The following MYO16 variants were observed in gnomAD, a reference collection of about 807,000 sequenced individuals.
MYO16 encodes the protein myosin XVI.
MYO16 carries 94 observed loss-of-function variants against 205.3 expected under a neutral mutation model. That is an observed-to-expected ratio of 0.46 (90% CI 0.39 to 0.54). The LOEUF (loss-of-function observed/expected upper bound fraction) is 0.54, where lower values mean the gene tolerates loss of function less well. Among genes scored for constraint, MYO16 ranks in the 20% least tolerant of loss-of-function variants. The pLI is 0.00. For missense variants in MYO16, 2,315 were observed against 2,387.5 expected, an observed-to-expected ratio of 0.97 and a Z score of 0.63; for synonymous variants, 988 against 954.0, an observed-to-expected ratio of 1.04 and a Z score of -0.66.
intron 31 of MYO16, among the ~76,000 whole-genome samples, chr13:109,129,758 G>A (rs1350446038): frequency 1.3e-5 from 2 of 152,124 alleles, no homozygotes; most frequent in Non-Finnish European, 2.9e-5. Flanking sequence ...ATTGCAGCAA[G>A]TACAGAATGG....
intron 2 of MYO16, among the ~76,000 whole-genome samples, chr13:108,698,025 G>A (rs967204805): frequency 1.3e-4 from 19 of 151,984 alleles, no homozygotes; most frequent in African/African-American, 4.1e-4. Flanking sequence ...GCCCGACCTC[G>A]CTCTCTTCTT....
chr13:108,892,101 A>T (rs1880204448), intron 14 of MYO16, among the ~76,000 whole-genome samples: 1 of 152,136 alleles, frequency 6.6e-6, no homozygotes, highest in Non-Finnish European at 1.5e-5. Flanking sequence ...CTTATGTCTG[A>T]TTCTGTAGAC....
In MYO16 at chr13:108,952,376, G is replaced by A. The variant is rs112439921; in HGVS notation, c.1926-5312G>A. Among the ~76,000 whole-genome samples, 1,191 of 152,180 alleles carry A rather than the reference G, an allele frequency of 7.8e-3. 15 individuals are homozygous for A. The highest frequency in any genetic ancestry group is 0.028 in the African/African-American group (1,147 of 41,522). ...GAGACACTGGGCTCAGGGGCAAGAC[G>A]GGGTGTGTTGGTTCGCCAATGACTA... On this transcript the variant is annotated intron_variant, in intron 16 of 34. Coordinates refer to ENST00000457511, the MANE Select transcript of MYO16 (RefSeq NM_001198950.3).
chr13:108,808,322 C>CT (rs1887178530), intron 7 of MYO16, among the ~76,000 whole-genome samples: 3 of 149,888 alleles, frequency 2.0e-5, no homozygotes, highest in Admixed American at 6.7e-5. Context: ...AATGAACCTT[C>CT]TTTTTTTAAT....
intron 27 of MYO16, among the ~76,000 whole-genome samples, chr13:109,083,554 G>T (rs570734323): frequency 6.6e-6 from 1 of 152,092 alleles, no homozygotes; most frequent in South Asian, 2.1e-4. Flanking sequence ...TGATAGTCAA[G>T]AACTTACGAA....
intron 4 of MYO16, among the ~76,000 whole-genome samples, chr13:108,756,018 T>G (rs762605499): frequency 1.1e-4 from 17 of 152,186 alleles, no homozygotes; most frequent in Non-Finnish European, 7.4e-5. Flanking sequence ...ACAAGGAAAA[T>G]TGTCTTATTT....
intron 23 of MYO16, among the ~76,000 whole-genome samples, chr13:109,022,552 C>A (rs1319794888): frequency 9.6e-5 from 12 of 125,204 alleles, no homozygotes; most frequent in South Asian, 5.5e-4. Context: ...GTATATATTT[C>A]TATATTCTAC....
At chr13:109,086,179 T>G (rs369988065) in intron 27 of MYO16, among the ~76,000 whole-genome samples, 1 of 152,180 alleles carries the variant, frequency 6.6e-6, no homozygotes, top group East Asian at 1.9e-4. Context: ...AGCTATAAAA[T>G]AACCTTCTCA....
At chr13:108,686,227 T>A (rs1367126115) in intron 2 of MYO16, among the ~76,000 whole-genome samples, 1 of 152,186 alleles carries the variant, frequency 6.6e-6, no homozygotes, top group Non-Finnish European at 1.5e-5. Flanking sequence ...TCGAGTGGGC[T>A]GGGAGCAGCT....
At chr13:109,202,552 T>C (rs1594183941) in intron 34 of MYO16, among the ~76,000 whole-genome samples, 1 of 152,288 alleles carries the variant, frequency 6.6e-6, no homozygotes, top group African/African-American at 2.4e-5. Context: ...AAAGAAATTA[T>C]AGATGATGCG....
intron 27 of MYO16, among the ~76,000 whole-genome samples, chr13:109,058,450 T>C (rs983449649): frequency 1.3e-5 from 2 of 152,204 alleles, no homozygotes; most frequent in African/African-American, 4.8e-5. Flanking sequence ...GCTAATACCA[T>C]AATAAAGCAA....
At chr13:108,567,774 T>C in the MYO16 span, among the ~76,000 whole-genome samples, 1 of 152,144 alleles carries the variant, frequency 6.6e-6, no homozygotes, top group Non-Finnish European at 1.5e-5. Context: ...TTCAGAGTTG[T>C]GCAACAATCA....
intron 14 of MYO16, among the ~76,000 whole-genome samples, chr13:108,891,795 CA>C (rs1222310233): frequency 6.6e-6 from 1 of 152,162 alleles, no homozygotes; most frequent in Non-Finnish European, 1.5e-5. Flanking sequence ...TTTCCTAAAT[CA>C]ATGCCATCTA....
At chr13:108,999,299 C>G (rs1044427150) in intron 21 of MYO16, among the ~76,000 whole-genome samples, 3 of 152,214 alleles carry the variant, frequency 2.0e-5, no homozygotes, top group South Asian at 4.1e-4. Context: ...ATATCTACCT[C>G]TATCTTAAAG....
At chr13:109,027,223 G>C (rs917208790) in intron 23 of MYO16, among the ~76,000 whole-genome samples, 1 of 152,068 alleles carries the variant, frequency 6.6e-6, no homozygotes. Context: ...ACCCCAATCT[G>C]TGCCTCCATC....
chr13:109,094,731 G>A (rs1421966023), intron 27 of MYO16, among the ~76,000 whole-genome samples: 1 of 152,006 alleles, frequency 6.6e-6, no homozygotes, highest in African/African-American at 2.4e-5. Context: ...TCCTACTTAT[G>A]AGTGAGAACA....
In MYO16 at chr13:108,882,430, G is replaced by A. The variant is rs184391327; in HGVS notation, c.1426-629G>A. ...TTGACATCTTTGAAGATACAGGCCA[G>A]TTATTTTGTACAATAAAAATAACTT... On this transcript the variant is annotated intron_variant, in intron 12 of 34. Coordinates refer to ENST00000457511, the MANE Select transcript of MYO16 (RefSeq NM_001198950.3). Among the ~76,000 whole-genome samples, 16 of 152,240 alleles carry A rather than the reference G, an allele frequency of 1.1e-4. No individual in the cohort carries two copies. In the East Asian group the frequency reaches 2.9e-3, roughly 28 times the overall value.
chr13:108,629,909 G>A (rs1235093192), intron 1 of MYO16, 37 bp downstream of exon 1: 1 of 1,504,936 alleles, frequency 6.6e-7, no homozygotes, highest in Admixed American at 2.0e-5. Flanking sequence ...GTGGTTATTT[G>A]TCTTGTTGAA....
chr13:109,192,560 A>T (rs1879966965), intron 34 of MYO16, among the ~76,000 whole-genome samples: 1 of 152,256 alleles, frequency 6.6e-6, no homozygotes, highest in African/African-American at 2.4e-5. Context: ...GTGTCCCAGT[A>T]TCCCTTGTGG....
Sources: allele counts gnomAD v4.1 joint callset (sites outside exome capture counted in the v4.1 genomes callset), GRCh38; gene constraint gnomAD v4.1.1; transcripts MANE v1.5; gene names NCBI Gene and HGNC (gene_info 2026-07-23, HGNC 2026-07-21).